GRIN3A: variants seen among roughly 807,000 people sequenced by gnomAD.
GRIN3A encodes the protein glutamate receptor ionotropic, NMDA 3A.
A neutral mutation model predicts 92.4 loss-of-function variants in GRIN3A; 47 were observed. The ratio of observed to expected loss-of-function variants is 0.51; its 90% CI spans 0.40 to 0.65. The LOEUF is 0.65. GRIN3A is among the 30% of genes least tolerant of loss of function. The pLI, the probability that GRIN3A is intolerant of heterozygous loss-of-function variation, is 0.00. For missense variants in GRIN3A, 1,324 were observed against 1,393.1 expected, an observed-to-expected ratio of 0.95 and a Z score of 0.79; for synonymous variants, 527 against 540.6, an observed-to-expected ratio of 0.97 and a Z score of 0.35.
chr9:101,595,626 C>A (rs1227747005), intron 6 of GRIN3A, among the ~76,000 whole-genome samples: 1 of 152,148 alleles, frequency 6.6e-6, no homozygotes, highest in Non-Finnish European at 1.5e-5. Context: ...TTGTAAGAGA[C>A]CAGGCAGATA....
In GRIN3A at chr9:101,670,145, C is replaced by G. The variant is rs781012451; in HGVS notation, c.2267G>C (p.Cys756Ser). Reference sequence around the variant, plus strand: ...CAAGTTTGCCGTGTATGTGGAAAGGCAAAACATACAGAAAATGGCCCAAAG... The same window carrying G: ...CAAGTTTGCCGTGTATGTGGAAAGGGAAAACATACAGAAAATGGCCCAAAG... ...MNLWAIFCMF[C>S]LSTYTANLAA... Residue 756 changes from cysteine to serine, a missense_variant, in exon 3 of 9, where the codon TGC becomes TCC. Coordinates refer to ENST00000361820, the MANE Select transcript of GRIN3A (RefSeq NM_133445.3). 1 of 1,613,614 alleles carries G rather than the reference C, an allele frequency of 6.2e-7. No homozygotes were observed. The highest frequency in any genetic ancestry group is 8.5e-7 in the Non-Finnish European group (1 of 1,179,794).
At chr9:101,635,016 T>C (rs1171510430) in intron 3 of GRIN3A, among the ~76,000 whole-genome samples, 1 of 152,228 alleles carries the variant, frequency 6.6e-6, no homozygotes, top group South Asian at 2.1e-4. Flanking sequence ...ACTAAGTACA[T>C]CTTATGCTGC....
chr9:101,640,290 G>A (rs961516475), intron 3 of GRIN3A, among the ~76,000 whole-genome samples: 1 of 152,308 alleles, frequency 6.6e-6, no homozygotes, highest in African/African-American at 2.4e-5. Flanking sequence ...CACAAGAGCA[G>A]CACAACTAAA....
At chr9:101,586,509 A>G (rs1046713402) in intron 6 of GRIN3A, among the ~76,000 whole-genome samples, 1 of 152,190 alleles carries the variant, frequency 6.6e-6, no homozygotes, top group Non-Finnish European at 1.5e-5. Context: ...GGAGATGGAC[A>G]TTCTCAATTA....
At position 101,577,758 on chromosome 9, in the gene GRIN3A, C is replaced by A. The variant is rs368597155; in HGVS notation, c.3008+10G>T. On this transcript the variant is annotated intron_variant, in intron 8 of 8. Coordinates refer to ENST00000361820, the MANE Select transcript of GRIN3A (RefSeq NM_133445.3). ...AAATATAAAGACAGTTGCCATTGGC[C>A]CCTTCTTACCTCTTTTCCACACGTT... 2.6e-4 allele frequency: 420 copies of A among 1,596,980 alleles called. 3 individuals carry two copies. In the African/African-American group the frequency reaches 5.1e-3, roughly 19 times the overall value.
intron 1 of GRIN3A, among the ~76,000 whole-genome samples, chr9:101,694,983 A>C (rs1004134643): frequency 1.3e-5 from 2 of 152,188 alleles, no homozygotes; most frequent in African/African-American, 4.8e-5. Context: ...TCACATCTTC[A>C]TTTGAATTAT....
At chr9:101,585,950 G>T (rs766253583) in intron 6 of GRIN3A, among the ~76,000 whole-genome samples, 2 of 152,150 alleles carry the variant, frequency 1.3e-5, no homozygotes, top group African/African-American at 2.4e-5. Context: ...CTCGCTGGTT[G>T]ACTTTGCTCA....
chr9:101,657,563 T>A (rs758316369), intron 3 of GRIN3A, among the ~76,000 whole-genome samples: 2 of 151,916 alleles, frequency 1.3e-5, no homozygotes, highest in Non-Finnish European at 2.9e-5. Context: ...ATGAAGAGAT[T>A]TAACAGTGGG....
At position 101,738,220 on chromosome 9, in the gene GRIN3A, C is replaced by T. The variant is rs528392686; in HGVS notation, c.-241G>A. 1.8e-6 allele frequency: 1 copy of T among 565,796 alleles called. No homozygotes were observed. The highest frequency in any genetic ancestry group is 2.0e-5 in the South Asian group (1 of 48,872). 35.0% of individuals were successfully genotyped at this position (565,796 alleles called of 1,614,324 possible). On this transcript the variant is annotated 5_prime_UTR_variant, in exon 1 of 9. Transcript: ENST00000361820. ...ATCCTCTGCCCGCCCGGTCACTGCG[C>T]TGAGCAGGCAGGCGGGCGGGCCGGC...
intron 4 of GRIN3A, among the ~76,000 whole-genome samples, chr9:101,626,546 G>A (rs1354496432): frequency 5.9e-5 from 9 of 152,120 alleles, no homozygotes; most frequent in Non-Finnish European, 1.2e-4. Flanking sequence ...AGAGAGAAGT[G>A]GTGAGAGGGC....
At chr9:101,603,571 T>C (rs1163492077) in intron 6 of GRIN3A, among the ~76,000 whole-genome samples, 1 of 152,134 alleles carries the variant, frequency 6.6e-6, no homozygotes, top group African/African-American at 2.4e-5. Flanking sequence ...CTGCCTTCCA[T>C]ATAAGACTAG....
intron 3 of GRIN3A, among the ~76,000 whole-genome samples, chr9:101,649,525 C>T (rs1330798431): frequency 6.6e-6 from 1 of 151,972 alleles, no homozygotes; most frequent in Non-Finnish European, 1.5e-5. Flanking sequence ...CAATTCTCTC[C>T]TCTCACATCA....
At chr9:101,607,525 C>T (rs1828302947) in intron 6 of GRIN3A, among the ~76,000 whole-genome samples, 1 of 152,166 alleles carries the variant, frequency 6.6e-6, no homozygotes, top group Admixed American at 6.5e-5. Flanking sequence ...CCGGTTCTTC[C>T]ACACTGTGCC....
rs761388316 is a variant in GRIN3A at position 101,623,375 on chromosome 9, C to A, written c.2557G>T (p.Val853Leu). 3.7e-6 allele frequency: 6 copies of A among 1,613,978 alleles called. No individual in the cohort carries two copies. Among genetic ancestry groups the A allele is most frequent in the Non-Finnish European group, 5.1e-6 (6 of 1,179,864 alleles). The change falls in exon 5 of 9, where the codon GTG becomes TTG. Residue 853 changes from valine (V) to leucine (L), a missense_variant. By Grantham distance (32) the Val-to-Leu change is conservative. Coordinates refer to ENST00000361820, the MANE Select transcript of GRIN3A (RefSeq NM_133445.3). ...IMDKALLDYE[V>L]SIDADCKLLT... ...AGTTTGCAGTCAGCATCTATTGACA[C>A]TTCATAATCCAGAAGGGCTTTGTCC...
At chr9:101,607,287 T>TGG (rs1041707794) in intron 6 of GRIN3A, among the ~76,000 whole-genome samples, 1 of 151,784 alleles carries the variant, frequency 6.6e-6, no homozygotes, top group Non-Finnish European at 1.5e-5. Context: ...CTGCTAGAAA[T>TGG]GGGGGAAAAA....
intron 3 of GRIN3A, among the ~76,000 whole-genome samples, chr9:101,663,302 A>G (rs1052567718): frequency 6.6e-6 from 1 of 151,922 alleles, no homozygotes; most frequent in African/African-American, 2.4e-5. Flanking sequence ...TAAATCAATC[A>G]TTGACTAATT....
At chr9:101,592,005 C>T (rs1424525332) in intron 6 of GRIN3A, 3 of 152,214 alleles carry the variant, frequency 2.0e-5, no homozygotes, top group East Asian at 1.9e-4. Flanking sequence ...AATAATGCCT[C>T]TCTTTAATGA....
chr9:101,572,728 G>T lies in GRIN3A; in HGVS notation c.*446C>A, dbSNP rs1166693593. 4 of 193,398 alleles carry T rather than the reference G, an allele frequency of 2.1e-5. No homozygotes were observed. The East Asian group carries it at 4.7e-4, about 23-fold the overall frequency. The allele number at this position is 193,398 out of a possible 1,614,324, so 12.0% of individuals were successfully genotyped here. The stretch of plus-strand genomic sequence containing the variant: ...GAATGTAGGAATAAATCTAGATCGG[G>T]GAGTTGTATCAAAAGCTACAACCCT... On this transcript the variant is annotated 3_prime_UTR_variant, in exon 9 of 9. Coordinates refer to ENST00000361820, the MANE Select transcript of GRIN3A (RefSeq NM_133445.3).
At chr9:101,588,316 C>A (rs1322279988) in intron 6 of GRIN3A, among the ~76,000 whole-genome samples, 1 of 152,148 alleles carries the variant, frequency 6.6e-6, no homozygotes, top group Non-Finnish European at 1.5e-5. Context: ...TCCAGGGAGA[C>A]ACTGCATGAG....
Sources: allele counts gnomAD v4.1 joint callset (sites outside exome capture counted in the v4.1 genomes callset), GRCh38; gene constraint gnomAD v4.1.1; transcripts MANE v1.5; gene names NCBI Gene and HGNC (gene_info 2026-07-23, HGNC 2026-07-21).